Variants in CAMK1D observed in about 807,000 individuals in gnomAD.
The protein encoded by CAMK1D is calcium/calmodulin dependent protein kinase ID.
CAMK1D carries 9 observed loss-of-function variants against 47.7 expected under a neutral mutation model. The ratio of observed to expected loss-of-function variants is 0.19; its 90% CI spans 0.11 to 0.33. CAMK1D has a LOEUF of 0.33. Ranked by LOEUF, CAMK1D falls within the 10% of genes least tolerant of loss-of-function variation. The pLI is 1.00. For synonymous variants in CAMK1D, 184 were observed against 184.9 expected (o/e 0.99, Z 0.04); for missense variants, 291 against 488.7 (o/e 0.60, Z 3.81).
At chr10:12,441,432 A>G (rs773610721) in intron 1 of CAMK1D, among the ~76,000 whole-genome samples, 5 of 151,962 alleles carry the variant, frequency 3.3e-5, no homozygotes, top group Non-Finnish European at 4.4e-5. Context: ...CCTGGGTTCA[A>G]GTGATCCACC....
At chr10:12,683,951 G>A (rs1832552228) in intron 3 of CAMK1D, among the ~76,000 whole-genome samples, 1 of 152,134 alleles carries the variant, frequency 6.6e-6, no homozygotes, top group African/African-American at 2.4e-5. Flanking sequence ...AGATGCATGA[G>A]TGCACTCTGA....
At chr10:12,790,529 G>A (rs182266848) in intron 5 of CAMK1D, among the ~76,000 whole-genome samples, 16 of 152,208 alleles carry the variant, frequency 1.1e-4, no homozygotes, top group South Asian at 2.1e-4. Flanking sequence ...TGCTTAGTAC[G>A]GCACTGCCAT....
intron 2 of CAMK1D, among the ~76,000 whole-genome samples, chr10:12,561,936 A>C (rs954138238): frequency 3.3e-5 from 5 of 152,196 alleles, no homozygotes; most frequent in Admixed American, 6.5e-5. Context: ...ATGTTGGTTT[A>C]TCTCTCCAGG....
chr10:12,420,549 A>G (rs1840016244), intron 1 of CAMK1D, among the ~76,000 whole-genome samples: 1 of 152,048 alleles, frequency 6.6e-6, no homozygotes, highest in Non-Finnish European at 1.5e-5. Flanking sequence ...TGGACACCTT[A>G]GTCAAATATA....
intron 1 of CAMK1D, among the ~76,000 whole-genome samples, chr10:12,350,352 T>TA (rs1337438227): frequency 6.6e-6 from 1 of 152,232 alleles, no homozygotes; most frequent in Non-Finnish European, 1.5e-5. Context: ...TTTCTGTCCT[T>TA]ACATCATGTA....
chr10:12,466,647 G>T (rs1346648387), intron 1 of CAMK1D, among the ~76,000 whole-genome samples: 17 of 142,922 alleles, frequency 1.2e-4, no homozygotes, highest in Admixed American at 6.4e-4. Context: ...GGTGTTATTT[G>T]TAAGTAACAG....
chr10:12,734,348 ATATATATATATATATATATAT>A (rs1835044474), intron 3 of CAMK1D, among the ~76,000 whole-genome samples: 1 of 5,328 alleles, frequency 1.9e-4, no homozygotes, highest in African/African-American at 4.3e-4. Flanking sequence ...AAAAAAAAAT[ATATATATATATATATATATAT>A]ATATATATAG....
intron 2 of CAMK1D, among the ~76,000 whole-genome samples, chr10:12,608,949 C>T (rs1007101545): frequency 2.0e-5 from 3 of 152,192 alleles, no homozygotes; most frequent in Non-Finnish European, 4.4e-5. Flanking sequence ...CTATTGAAAG[C>T]TCTTGGAATG....
At chr10:12,648,164 T>G (rs1839862781) in intron 2 of CAMK1D, among the ~76,000 whole-genome samples, 1 of 152,224 alleles carries the variant, frequency 6.6e-6, no homozygotes, top group African/African-American at 2.4e-5. Flanking sequence ...AGACATTATA[T>G]TCCAGGACAT....
chr10:12,713,360 T>C (rs899025986), intron 3 of CAMK1D, among the ~76,000 whole-genome samples: 3 of 152,182 alleles, frequency 2.0e-5, no homozygotes, highest in Non-Finnish European at 4.4e-5. Flanking sequence ...GCTTTGAGGT[T>C]TCCATGAGTT....
intron 1 of CAMK1D, among the ~76,000 whole-genome samples, chr10:12,357,107 G>T (rs551756968): frequency 6.6e-6 from 1 of 152,070 alleles, no homozygotes; most frequent in African/African-American, 2.4e-5. Flanking sequence ...TGGGTCCAGC[G>T]GAGATTTGTC....
chr10:12,569,056 C>T (rs1837233917), intron 2 of CAMK1D, among the ~76,000 whole-genome samples: 1 of 152,038 alleles, frequency 6.6e-6, no homozygotes. Flanking sequence ...AATACTGACT[C>T]AAGAAATCTA....
chr10:12,575,229 AT>A (rs1337082767), intron 2 of CAMK1D, among the ~76,000 whole-genome samples: 2 of 152,012 alleles, frequency 1.3e-5, no homozygotes, highest in Non-Finnish European at 2.9e-5. Flanking sequence ...AGTAGCTGAG[AT>A]TACAGGGTCC....
chr10:12,675,613 A>G (rs1840780721), intron 3 of CAMK1D, among the ~76,000 whole-genome samples: 1 of 152,124 alleles, frequency 6.6e-6, no homozygotes, highest in Non-Finnish European at 1.5e-5. Flanking sequence ...CTCTTTTCCA[A>G]ACCACCATAT....
chr10:12,514,815 T>C (rs1835141613), intron 1 of CAMK1D, among the ~76,000 whole-genome samples: 1 of 152,216 alleles, frequency 6.6e-6, no homozygotes, highest in Non-Finnish European at 1.5e-5. Context: ...TATTTACTGG[T>C]ATACGTTTAT....
chr10:12,481,786 G>T (rs968421410), intron 1 of CAMK1D, among the ~76,000 whole-genome samples: 3 of 152,188 alleles, frequency 2.0e-5, no homozygotes, highest in Non-Finnish European at 4.4e-5. Context: ...GGGATTACAG[G>T]TGTAGGCCAC....
intron 3 of CAMK1D, among the ~76,000 whole-genome samples, chr10:12,683,170 T>C (rs532044265): frequency 4.7e-5 from 7 of 150,210 alleles, no homozygotes; most frequent in South Asian, 4.2e-4. Flanking sequence ...CACCACAACC[T>C]CCGCCTCCCC....
intron 3 of CAMK1D, among the ~76,000 whole-genome samples, chr10:12,705,689 A>C (rs1163181637): frequency 6.6e-6 from 1 of 152,200 alleles, no homozygotes; most frequent in Non-Finnish European, 1.5e-5. Flanking sequence ...TGCCCCTAAC[A>C]AGGACTTGGG....
At chr10:12,646,483 G>A (rs1230240477) in intron 2 of CAMK1D, among the ~76,000 whole-genome samples, 1 of 152,170 alleles carries the variant, frequency 6.6e-6, no homozygotes, top group Non-Finnish European at 1.5e-5. Flanking sequence ...AAAGAAGTGA[G>A]CTTAAGAATG....
Sources: allele counts gnomAD v4.1 joint callset (sites outside exome capture counted in the v4.1 genomes callset), GRCh38; gene constraint gnomAD v4.1.1; transcripts MANE v1.5; gene names NCBI Gene and HGNC (gene_info 2026-07-23, HGNC 2026-07-21).